Variants in ADCY2 observed in about 807,000 individuals in gnomAD.
The protein encoded by ADCY2 is adenylate cyclase 2, also known as adenylate cyclase type 2.
ADCY2 carries 31 observed loss-of-function variants against 125.2 expected under a neutral mutation model. The observed-to-expected ratio is 0.25, with a 90% confidence interval of 0.19 to 0.33. The LOEUF (loss-of-function observed/expected upper bound fraction) is 0.33. ADCY2 is among the 10% of genes least tolerant of loss of function. The probability of loss-of-function intolerance (pLI) is 1.00; values close to 1 mark genes in which losing one functional copy is unlikely to be tolerated. For synonymous variants in ADCY2, 512 were observed against 548.4 expected (o/e 0.93, Z 0.93); for missense variants, 904 against 1,418.2 (o/e 0.64, Z 5.82).
chr5:7,563,220 C>G (rs1300199319), intron 3 of ADCY2, among the ~76,000 whole-genome samples: 1 of 152,194 alleles, frequency 6.6e-6, no homozygotes, highest in Non-Finnish European at 1.5e-5. Flanking sequence ...ACCACTCCAT[C>G]TGTATCCTCT....
At chr5:7,648,390 G>C (rs953937620) in intron 4 of ADCY2, among the ~76,000 whole-genome samples, 12 of 152,100 alleles carry the variant, frequency 7.9e-5, no homozygotes, top group African/African-American at 2.9e-4. Context: ...AAACTTCTTT[G>C]CATTTACGGG....
At chr5:7,424,559 T>C (rs13175846) in intron 2 of ADCY2, among the ~76,000 whole-genome samples, 9,623 of 152,336 alleles carry the variant, frequency 0.063, 385 homozygotes, top group African/African-American at 0.1. Flanking sequence ...TTTGTGAATC[T>C]GGATTGTTCT....
intron 7 of ADCY2, among the ~76,000 whole-genome samples, chr5:7,702,402 C>T (rs1445872636): frequency 6.6e-6 from 1 of 151,792 alleles, no homozygotes; most frequent in East Asian, 1.9e-4. Flanking sequence ...CGACAGGCCC[C>T]GGTATGTGAT....
intron 1 of ADCY2, among the ~76,000 whole-genome samples, chr5:7,408,680 T>C (rs976580513): frequency 1.3e-5 from 2 of 151,960 alleles, no homozygotes; most frequent in Non-Finnish European, 2.9e-5. Context: ...GTGGCTATTA[T>C]TAAAAAGTAA....
chr5:7,803,500 C>T (rs932067828), intron 21 of ADCY2, among the ~76,000 whole-genome samples: 4 of 152,220 alleles, frequency 2.6e-5, no homozygotes, highest in African/African-American at 9.6e-5. Context: ...CTTCCTACAG[C>T]TTCCGTTCTT....
intron 2 of ADCY2, among the ~76,000 whole-genome samples, chr5:7,432,627 C>T (rs1228469379): frequency 2.6e-5 from 4 of 152,194 alleles, no homozygotes; most frequent in Admixed American, 2.0e-4. Flanking sequence ...CACTTCAGTT[C>T]CTGCCCATGA....
At chr5:7,782,086 T>C (rs1743938772) in intron 18 of ADCY2, 1 of 165,530 alleles carries the variant, frequency 6.0e-6, no homozygotes, top group Non-Finnish European at 1.5e-5. Flanking sequence ...GGCAGCCGTG[T>C]TTTGGTATGC....
intron 5 of ADCY2, among the ~76,000 whole-genome samples, chr5:7,693,423 T>G (rs1463212897): frequency 8.0e-5 from 11 of 137,812 alleles, no homozygotes; most frequent in South Asian, 2.3e-4. Flanking sequence ...GTTTTTTTTT[T>G]TTTTTTTTTT....
intron 2 of ADCY2, among the ~76,000 whole-genome samples, chr5:7,423,944 C>T (rs1217611469): frequency 3.3e-5 from 5 of 152,242 alleles, no homozygotes. Context: ...CCCATCTCTA[C>T]AGCCAATGTG....
chr5:7,675,055 T>C (rs946056369), intron 4 of ADCY2, among the ~76,000 whole-genome samples: 2 of 150,884 alleles, frequency 1.3e-5, no homozygotes, highest in African/African-American at 4.9e-5. Flanking sequence ...CTCGAGAGGC[T>C]GAGGCAGGAG....
intron 3 of ADCY2, among the ~76,000 whole-genome samples, chr5:7,580,452 A>G (rs1231558145): frequency 1.3e-5 from 2 of 152,206 alleles, no homozygotes; most frequent in African/African-American, 4.8e-5. Context: ...CAATGTTAAT[A>G]TATTAATGAG....
chr5:7,513,653 C>T (rs1272860963), intron 2 of ADCY2, among the ~76,000 whole-genome samples: 1 of 152,090 alleles, frequency 6.6e-6, no homozygotes, highest in East Asian at 1.9e-4. Flanking sequence ...TTCTAAATTT[C>T]CTTGGACTAT....
chr5:7,513,573 A>G (rs888687099), intron 2 of ADCY2, among the ~76,000 whole-genome samples: 5 of 152,228 alleles, frequency 3.3e-5, no homozygotes, highest in South Asian at 2.1e-4. Flanking sequence ...ATGACATCCA[A>G]TGAGAAAACA....
intron 11 of ADCY2, among the ~76,000 whole-genome samples, chr5:7,714,365 G>A (rs1008642969): frequency 2.6e-5 from 4 of 152,226 alleles, no homozygotes; most frequent in Non-Finnish European, 5.9e-5. Context: ...GATGGGTAAT[G>A]TGTCATGGAA....
In ADCY2 at chr5:7,743,752, G is replaced by C; in HGVS notation, c.1956G>C (p.Leu652=). ...ILFVCFAGQL[L]QCSKKASPLL... ...TCGTCTGCTTTGCTGGACAGCTTCT[G>C]GTAGGTATTCAAATGTGGCGCTTCT... is the stretch of plus-strand genomic sequence containing the variant. Residue 652 remains leucine, a splice_region_variant and synonymous_variant, in exon 15 of 25, where the codon CTG becomes CTC. Transcript: ENST00000338316. 1 of 1,613,664 alleles carries C rather than the reference G, an allele frequency of 6.2e-7. No homozygotes were observed. Among genetic ancestry groups the C allele is most frequent in the Non-Finnish European group, 8.5e-7 (1 of 1,179,764 alleles).
intron 4 of ADCY2, among the ~76,000 whole-genome samples, chr5:7,642,020 T>G (rs1738727358): frequency 6.6e-6 from 1 of 152,164 alleles, no homozygotes; most frequent in African/African-American, 2.4e-5. Context: ...GAATGATTTA[T>G]TTTCTTCTAG....
At chr5:7,730,862 A>G (rs1405185877) in intron 14 of ADCY2, among the ~76,000 whole-genome samples, 1 of 151,866 alleles carries the variant, frequency 6.6e-6, no homozygotes, top group East Asian at 1.9e-4. Flanking sequence ...TATTGTTTCC[A>G]TAAGTGTATT....
Position 7,802,442 on chromosome 5 carries a change from A to G in ADCY2, c.2775+78A>G. On this transcript the variant is annotated intron_variant, in intron 21 of 24. Transcript: ENST00000338316. The surrounding 1 kb of genome is among the most constrained non-coding windows in gnomAD (Gnocchi z 4.6). ...TGTGCACTTGAAGTTACTTCAGGAT[A>G]GTGGCCTATCCCAAAAAAACTTGTC... 6.6e-7 allele frequency: 1 copy of G among 1,505,868 alleles called. No individual in the cohort carries two copies. Among genetic ancestry groups the G allele is most frequent in the Non-Finnish European group, 8.9e-7 (1 of 1,121,948 alleles). 93.3% of individuals were successfully genotyped at this position (1,505,868 alleles called of 1,614,324 possible).
At chr5:7,814,490 TAACCCAGTTC>T (rs141797509) in intron 22 of ADCY2, among the ~76,000 whole-genome samples, 11,350 of 152,174 alleles carry the variant, frequency 0.075, 1,164 homozygotes, top group African/African-American at 0.23. Flanking sequence ...AAGCAGAGAA[TAACCCAGTTC>T]AACCCAGTTC....
Sources: allele counts gnomAD v4.1 joint callset (sites outside exome capture counted in the v4.1 genomes callset), GRCh38; gene constraint gnomAD v4.1.1; non-coding constraint Gnocchi (gnomAD v3.1); transcripts MANE v1.5; gene names NCBI Gene and HGNC (gene_info 2026-07-23, HGNC 2026-07-21).